Variants in DYSF observed in about 807,000 individuals in gnomAD.
DYSF encodes dystrophy-associated fer-1-like 1.
Under a neutral mutation model 274.9 loss-of-function variants are expected in DYSF, and 212 were observed. That is an observed-to-expected ratio of 0.77 (90% confidence interval 0.69 to 0.86). The LOEUF (loss-of-function observed/expected upper bound fraction) is 0.86, where lower values mean the gene tolerates loss of function less well. Among genes scored for constraint, DYSF ranks in the 40% least tolerant of loss-of-function variants. The pLI, the probability that DYSF is intolerant of heterozygous loss-of-function variation, is 0.00. For synonymous variants in DYSF, 1,091 were observed against 1,078.7 expected (o/e 1.01, Z -0.22); for missense variants, 2,666 against 2,783.2 (o/e 0.96, Z 0.95).
In DYSF at chr2:71,554,014, CCACTGGTGCACA is replaced by C. The variant is rs1268742481; in HGVS notation, c.2109+89_2109+100del. 2.5e-6 allele frequency: 4 copies of C among 1,595,664 alleles called. No individual in the cohort carries two copies. The African/African-American group carries it at 4.1e-5, about 16-fold the overall frequency. Reference sequence around the variant, plus strand: ...TGCATGGGGTGTCTCAGACCACCACCCACTGGTGCACACACTGACACACGGCTGTGCCTACTG... The same window carrying C: ...TGCATGGGGTGTCTCAGACCACCACCCACTGACACACGGCTGTGCCTACTG... On this transcript the variant is annotated intron_variant, in intron 21 of 55. Coordinates refer to ENST00000410020, the MANE Select transcript of DYSF (RefSeq NM_001130987.2).
intron 3 of DYSF, among the ~76,000 whole-genome samples, chr2:71,500,525 T>A (rs1435674771): frequency 5.3e-5 from 8 of 152,014 alleles, no homozygotes; most frequent in Admixed American, 5.2e-4. Context: ...CTCTTGGGCA[T>A]CCAAGAGGCA....
At chr2:71,648,539 A>T (rs1355009867) in intron 42 of DYSF, among the ~76,000 whole-genome samples, 2 of 41,684 alleles carry the variant, frequency 4.8e-5, no homozygotes, top group Non-Finnish European at 1.2e-4. Context: ...CAACCAAAAT[A>T]GTAAAAAAAA....
chr2:71,525,323 C>T (rs1217630179), intron 12 of DYSF, among the ~76,000 whole-genome samples: 4 of 152,150 alleles, frequency 2.6e-5, no homozygotes, highest in Non-Finnish European at 5.9e-5. Context: ...TTCCCAGGTT[C>T]AAGCAATTCT....
intron 53 of DYSF, among the ~76,000 whole-genome samples, chr2:71,680,341 C>A (rs563181748): frequency 6.6e-6 from 1 of 152,152 alleles, no homozygotes; most frequent in East Asian, 1.9e-4. Context: ...AGAAGACAGG[C>A]CCCCCTTTTA....
Position 71,644,042 on chromosome 2 carries a change from G to A in DYSF, c.4605G>A (p.Glu1535=). ...GEREKCGSYL[E]KDFDTLKVYD... is the part of the protein sequence containing the mutation. Reference sequence around the variant, plus strand: ...GGGAAAAGTGCGGCTCCTACCTGGAGAAGGATTTTGACACCCTGAAGGTAA... The same window carrying A: ...GGGAAAAGTGCGGCTCCTACCTGGAAAAGGATTTTGACACCCTGAAGGTAA... The change falls in exon 42 of 56, where the codon GAG becomes GAA. Residue 1535 remains glutamate (E), a synonymous_variant. Coordinates refer to ENST00000410020, the MANE Select transcript of DYSF (RefSeq NM_001130987.2). 1 of 1,611,638 alleles carries A rather than the reference G, an allele frequency of 6.2e-7. No homozygotes were observed. The highest frequency in any genetic ancestry group is 8.5e-7 in the Non-Finnish European group (1 of 1,178,928).
At chr2:71,526,415 C>CCTGGGGGGGGGGGGGGGG in intron 13 of DYSF, 69 bp downstream of exon 13, 1 of 411,244 alleles carries the variant, frequency 2.4e-6, no homozygotes, top group Non-Finnish European at 3.9e-6. Flanking sequence ...TGGGGGTGGG[C>CCTGGGGGGGGGGGGGGGG]GATGGCGGGC....
chr2:71,570,868 C>T, intron 29 of DYSF, 127 bp downstream of exon 29: 1 of 1,391,010 alleles, frequency 7.2e-7, no homozygotes, highest in Non-Finnish European at 9.8e-7. Context: ...ACCTGGGACT[C>T]ACTGGAGGTG....
chr2:71,641,178 A>T (rs376447168), intron 41 of DYSF, among the ~76,000 whole-genome samples: 49 of 124,470 alleles, frequency 3.9e-4, no homozygotes, highest in African/African-American at 6.4e-4. Context: ...ATGTTTATCT[A>T]TTTTTTTTTT....
intron 9 of DYSF, 100 bp downstream of exon 9, chr2:71,516,342 G>A (rs568907445): frequency 9.9e-5 from 118 of 1,192,762 alleles, no homozygotes; most frequent in Middle Eastern, 2.2e-4. Flanking sequence ...GCATGTGCAC[G>A]TCAGTGTGAA....
chr2:71,660,718 G>C, intron 45 of DYSF, 67 bp downstream of exon 45: 1 of 1,352,652 alleles, frequency 7.4e-7, no homozygotes, highest in Non-Finnish European at 1.1e-6. Flanking sequence ...TCTAGTGGGG[G>C]AGATGTGACT....
chr2:71,588,436 T>G (rs2093146198), intron 30 of DYSF, among the ~76,000 whole-genome samples: 1 of 151,998 alleles, frequency 6.6e-6, no homozygotes, highest in Admixed American at 6.6e-5. Flanking sequence ...GGCACAGTAG[T>G]GGCAGTGGTG....
chr2:71,570,463 C>T, intron 28 of DYSF, 129 bp downstream of exon 28: 1 of 1,416,634 alleles, frequency 7.1e-7, no homozygotes, highest in Non-Finnish European at 9.8e-7. Flanking sequence ...AAGGCACCCC[C>T]CACTCCAAGC....
At chr2:71,651,692 C>A (rs1371274928) in intron 42 of DYSF, among the ~76,000 whole-genome samples, 1 of 152,098 alleles carries the variant, frequency 6.6e-6, no homozygotes, top group East Asian at 1.9e-4. Context: ...CCATCAAAAT[C>A]TGATAAAGTT....
At chr2:71,648,349 C>T (rs2094600101) in intron 42 of DYSF, among the ~76,000 whole-genome samples, 1 of 152,178 alleles carries the variant, frequency 6.6e-6, no homozygotes, top group East Asian at 1.9e-4. Context: ...TTGGAAGGAG[C>T]ACAGGGCAGA....
intron 3 of DYSF, among the ~76,000 whole-genome samples, chr2:71,493,697 C>G (rs2084089069): frequency 6.6e-6 from 1 of 151,730 alleles, no homozygotes; most frequent in African/African-American, 2.4e-5. Context: ...ACTCAAAATA[C>G]AAAAATTAGC....
intron 41 of DYSF, among the ~76,000 whole-genome samples, chr2:71,625,692 A>G (rs1484270732): frequency 1.3e-5 from 2 of 152,150 alleles, no homozygotes; most frequent in Admixed American, 1.3e-4. Flanking sequence ...CTTAAAAAAA[A>G]GTTGAGATTT....
At position 71,516,976 on chromosome 2, in the gene DYSF, T is replaced by C; in HGVS notation, c.952-13T>C. On this transcript the variant is annotated splice_polypyrimidine_tract_variant and intron_variant, in intron 9 of 55. Coordinates refer to ENST00000410020, the MANE Select transcript of DYSF (RefSeq NM_001130987.2). ...TCCCTGTGAATGTGAGTTTCCATGA[T>C]CTTTCTCTGCAGGTGGTAGACTCTC... 2 of 1,614,106 alleles carry C rather than the reference T, an allele frequency of 1.2e-6. No individual in the cohort carries two copies. The highest frequency in any genetic ancestry group is 1.7e-6 in the Non-Finnish European group (2 of 1,179,966).
At chr2:71,613,306 C>T (rs778974443) in intron 39 of DYSF, 28 bp from the exon 40 acceptor site, 2 of 1,599,792 alleles carry the variant, frequency 1.3e-6, no homozygotes, top group Non-Finnish European at 8.5e-7. Context: ...GAGCCCCTCT[C>T]AGGCCTGGAT....
intron 24 of DYSF, among the ~76,000 whole-genome samples, chr2:71,565,246 C>CTTTTTTTTTTTTTTTTT (rs796705736): frequency 7.6e-6 from 1 of 131,332 alleles, no homozygotes; most frequent in African/African-American, 2.9e-5. Flanking sequence ...CCACCCAGCT[C>CTTTTTTTTTTTTTTTTT]TTTTTTTTTT....
Sources: allele counts gnomAD v4.1 joint callset (sites outside exome capture counted in the v4.1 genomes callset), GRCh38; gene constraint gnomAD v4.1.1; transcripts MANE v1.5; gene names NCBI Gene and HGNC (gene_info 2026-07-23, HGNC 2026-07-21).